The following TP53BP1 variants were observed in gnomAD, a reference collection of about 807,000 sequenced individuals.
The protein encoded by TP53BP1 is TP53-binding protein 1.
TP53BP1 carries 61 observed loss-of-function variants against 200.8 expected under a neutral mutation model. The ratio of observed to expected loss-of-function variants is 0.30; its 90% confidence interval spans 0.25 to 0.38. The LOEUF (loss-of-function observed/expected upper bound fraction) is 0.38, where lower values mean the gene tolerates loss of function less well. TP53BP1 is among the 10% of genes least tolerant of loss of function. The pLI is 1.00. For missense variants in TP53BP1, 2,144 were observed against 2,371.9 expected (o/e 0.90, Z 2.00); for synonymous variants, 822 against 844.3 (o/e 0.97, Z 0.46).
At chr15:43,499,890 A>C (rs921372435) in intron 1 of TP53BP1, among the ~76,000 whole-genome samples, 1 of 152,254 alleles carries the variant, frequency 6.6e-6, no homozygotes, top group Admixed American at 6.5e-5. Context: ...TAAGACATAG[A>C]AATAATGATA....
intron 27 of TP53BP1, 24 bp downstream of exon 27, chr15:43,407,917 GAC>G: frequency 1.2e-6 from 2 of 1,600,760 alleles, no homozygotes; most frequent in Non-Finnish European, 1.7e-6. Context: ...CTGGAACAAA[GAC>G]ACTACACACA....
intron 15 of TP53BP1, among the ~76,000 whole-genome samples, chr15:43,440,283 G>A (rs1010258021): frequency 1.9e-4 from 29 of 152,046 alleles, no homozygotes; most frequent in African/African-American, 5.8e-4. Flanking sequence ...TCTGTCTTGC[G>A]GGCGGATCAC....
chr15:43,495,875 T>G (rs541900701), upstream of TP53BP1, among the ~76,000 whole-genome samples: 1 of 150,304 alleles, frequency 6.7e-6, no homozygotes, highest in Non-Finnish European at 1.5e-5. Flanking sequence ...AATAAATGAG[T>G]GAGCCATTTG....
chr15:43,442,899 C>T (rs1455320874), intron 14 of TP53BP1, among the ~76,000 whole-genome samples: 1 of 136,388 alleles, frequency 7.3e-6, no homozygotes, highest in Non-Finnish European at 1.5e-5. Context: ...GATCTCAGCT[C>T]ACTGCAACCT....
intron 14 of TP53BP1, among the ~76,000 whole-genome samples, chr15:43,444,085 G>T (rs536385607): frequency 1.3e-5 from 2 of 152,128 alleles, no homozygotes; most frequent in African/African-American, 4.8e-5. Flanking sequence ...AACCTAAAAA[G>T]TTTGTTGTAA....
intron 4 of TP53BP1, among the ~76,000 whole-genome samples, chr15:43,483,483 C>CAATT (rs1180894312): frequency 1.3e-5 from 2 of 152,120 alleles, no homozygotes; most frequent in Admixed American, 1.3e-4. Flanking sequence ...ATGTTTACAG[C>CAATT]AATTAGCCTC....
At position 43,499,121 on chromosome 15, in the gene TP53BP1, A is replaced by G. The variant is rs144054476; in HGVS notation, c.-8-6653T>C. Among the ~76,000 whole-genome samples the G allele has an allele frequency of 3.0e-4, 46 of 152,312 alleles. No individual in the cohort carries two copies. The East Asian group carries it at 7.9e-3, about 26-fold the overall frequency. On this transcript the variant is annotated intron_variant, in intron 1 of 27. Coordinates refer to the TP53BP1 transcript ENST00000263801. ...TGGGGCTGAGAAATCTAAAAAGAAT[A>G]TAAGAGAAGACTTCAGTGGACAAGG...
chr15:43,469,763 T>C, intron 11 of TP53BP1, 95 bp downstream of exon 11: 1 of 1,044,428 alleles, frequency 9.6e-7, no homozygotes. Flanking sequence ...ATTATACATT[T>C]AAAACGTGTG....
chr15:43,456,774 T>C lies in TP53BP1; in HGVS notation c.1834A>G (p.Arg612Gly). Residue 612 changes from arginine (R) to glycine (G), a missense_variant, in exon 12 of 28, where the codon AGA becomes GGA. Arg to Gly is a moderately radical substitution (Grantham distance 125). Coordinates refer to ENST00000382044, the MANE Select transcript of TP53BP1 (RefSeq NM_001141980.3). ...ACATCTTCTGCTACCGTTTCTTCTCTGCCCTTGCAACCAGTGGCTAAAATA... is the reference window on the plus strand; with the variant it reads ...ACATCTTCTGCTACCGTTTCTTCTCCGCCCTTGCAACCAGTGGCTAAAATA... ...ISILATGCKGREETVAEDVCI... is the reference protein window; with the variant it reads ...ISILATGCKGGEETVAEDVCI... 1 of 1,614,072 alleles carries C rather than the reference T, an allele frequency of 6.2e-7. No homozygotes were observed. The highest frequency in any genetic ancestry group is 8.5e-7 in the Non-Finnish European group (1 of 1,180,040).
At position 43,406,687 on chromosome 15, in the gene TP53BP1, G is replaced by A; in HGVS notation, c.*696C>T. On this transcript the variant is annotated 3_prime_UTR_variant, in exon 28 of 28. Coordinates refer to ENST00000382044, the MANE Select transcript of TP53BP1 (RefSeq NM_001141980.3). ...AGAGGAAGGGAAGGAACTGCTTCCA[G>A]CTATTGTGACAATAATAATAATAAT... The A allele has an allele frequency of 2.3e-6, 1 of 442,376 alleles. No homozygotes were observed. The allele number at this position is 442,376 out of a possible 1,614,324, so 27.4% of individuals were successfully genotyped here. A position where few individuals can be genotyped will look rare whatever the true frequency, so the allele number is the denominator to read the frequency against.
At chr15:43,419,535 C>T (rs2045345791) in intron 21 of TP53BP1, among the ~76,000 whole-genome samples, 1 of 119,016 alleles carries the variant, frequency 8.4e-6, no homozygotes. Context: ...AATTTATGTT[C>T]CTTTTTTTTT....
Position 43,403,606 on chromosome 15 carries a change from A to C in TP53BP1, c.*3777T>G. On this transcript the variant is annotated 3_prime_UTR_variant, in exon 28 of 28. Coordinates refer to ENST00000382044, the MANE Select transcript of TP53BP1 (RefSeq NM_001141980.3). ...CTATTAATTAGATCAGCTATTAATC[A>C]GACTGTTCTCCTAACACTTTAACTT... The C allele has an allele frequency of 9.3e-7, 1 of 1,070,872 alleles. No individual in the cohort carries two copies. Among genetic ancestry groups the C allele is most frequent in the Admixed American group, 1.9e-5 (1 of 53,984 alleles). The allele number at this position is 1,070,872 out of a possible 1,614,324, so 66.3% of individuals were successfully genotyped here. A position where few individuals can be genotyped will look rare whatever the true frequency, so the allele number is the denominator to read the frequency against.
intron 14 of TP53BP1, among the ~76,000 whole-genome samples, chr15:43,445,202 T>C (rs2046014018): frequency 6.6e-6 from 1 of 152,160 alleles, no homozygotes; most frequent in Admixed American, 6.5e-5. Flanking sequence ...CCTTCCTCAA[T>C]TACTTTCAGT....
At chr15:43,485,206 G>T (rs2079028510) in intron 4 of TP53BP1, among the ~76,000 whole-genome samples, 1 of 152,040 alleles carries the variant, frequency 6.6e-6, no homozygotes, top group African/African-American at 2.4e-5. Flanking sequence ...GCTACATTAA[G>T]GTCTAGGATT....
intron 12 of TP53BP1, among the ~76,000 whole-genome samples, chr15:43,449,148 A>G (rs1002936661): frequency 6.6e-6 from 1 of 152,152 alleles, no homozygotes; most frequent in African/African-American, 2.4e-5. Context: ...ACAAAACAAA[A>G]CAAAAACAAA....
intron 15 of TP53BP1, 124 bp downstream of exon 15, chr15:43,441,402 A>G: frequency 1.4e-6 from 1 of 729,178 alleles, no homozygotes; most frequent in South Asian, 1.6e-5. Context: ...ACATTGCTAA[A>G]TCCTTTATGA....
At chr15:43,418,301 C>T (rs2045314863) in intron 21 of TP53BP1, among the ~76,000 whole-genome samples, 1 of 151,026 alleles carries the variant, frequency 6.6e-6, no homozygotes, top group Non-Finnish European at 1.5e-5. Context: ...AGTTCGAGAC[C>T]AGCCTGGCCA....
chr15:43,436,565 C>T (rs2045803665), intron 16 of TP53BP1, among the ~76,000 whole-genome samples: 1 of 152,052 alleles, frequency 6.6e-6, no homozygotes, highest in Non-Finnish European at 1.5e-5. Context: ...GCCTCGACCA[C>T]CCAGGTTCAA....
At chr15:43,422,577 T>A (rs1595534361) in intron 18 of TP53BP1, among the ~76,000 whole-genome samples, 1 of 152,124 alleles carries the variant, frequency 6.6e-6, no homozygotes, top group Non-Finnish European at 1.5e-5. Context: ...GAGGAGAAAA[T>A]GAGTGGTCAG....
Sources: gnomAD v4.1 joint callset for allele counts (sites outside exome capture counted in the v4.1 genomes callset) on GRCh38, gnomAD v4.1.1 for gene constraint, MANE v1.5 for transcripts, NCBI Gene and HGNC (gene_info 2026-07-23, HGNC 2026-07-21) for gene names.